The following PRCC variants were observed in gnomAD, a reference collection of about 807,000 sequenced individuals.
The protein encoded by PRCC is proline-rich protein PRCC.
PRCC carries 10 observed loss-of-function variants against 44.0 expected under a neutral mutation model. The ratio of observed to expected loss-of-function variants is 0.23; its 90% CI spans 0.14 to 0.39. The LOEUF is 0.39. Among genes scored for constraint, PRCC ranks in the 10% least tolerant of loss-of-function variants. The pLI, the probability that PRCC is intolerant of heterozygous loss-of-function variation, is 1.00. For synonymous variants in PRCC, 278 were observed against 259.5 expected (o/e 1.07, Z -0.69); for missense variants, 573 against 624.7 (o/e 0.92, Z 0.88).
At chr1:156,787,992 C>G (rs1571588674) in intron 3 of PRCC, among the ~76,000 whole-genome samples, 1 of 152,126 alleles carries the variant, frequency 6.6e-6, no homozygotes, top group Non-Finnish European at 1.5e-5. Context: ...CCACCATGCC[C>G]GCTAATTTAA....
At position 156,794,770 on chromosome 1, in the gene PRCC, T is replaced by C; in HGVS notation, c.1285T>C (p.Ser429Pro). The change falls in exon 5 of 7, where the codon TCA (serine) becomes CCA (proline). Residue 429 changes from serine to proline, a missense_variant. Ser to Pro is a moderately conservative substitution (Grantham distance 74). Transcript: ENST00000271526. ...LSGAQQWMTK[S>P]LTEEKTMKSF... ...TGGGGCCCAGCAATGGATGACTAAG[T>C]CATTGACAGAAGAGAAAACCATGAA... 6.2e-7 allele frequency: 1 copy of C among 1,614,146 alleles called. No homozygotes were observed. The highest frequency in any genetic ancestry group is 8.5e-7 in the Non-Finnish European group (1 of 1,180,022).
intron 1 of PRCC, among the ~76,000 whole-genome samples, chr1:156,771,613 A>G (rs1651635807): frequency 6.6e-6 from 1 of 151,920 alleles, no homozygotes; most frequent in South Asian, 2.1e-4. Context: ...TACGGGAGGC[A>G]GAGCAGATTG....
intron 1 of PRCC, among the ~76,000 whole-genome samples, chr1:156,774,605 GTCTCCGCAGTAGCT>G (rs1651753350): frequency 2.0e-5 from 3 of 151,950 alleles, no homozygotes; most frequent in African/African-American, 7.3e-5. Context: ...TGCTGCCTCA[GTCTCCGCAGTAGCT>G]GGGACTACAG....
chr1:156,797,296 AG>A lies in PRCC; in HGVS notation c.1346del (p.Gly449AlafsTer23). The A allele has an allele frequency of 6.2e-7, 1 of 1,614,190 alleles. No individual in the cohort carries two copies. The highest frequency in any genetic ancestry group is 8.5e-7 in the Non-Finnish European group (1 of 1,180,028). ...TGCAGAAGAAAGGTGAGCAGCCAAC[AG>A]GCCAGCAGCGGCGGAAACACCAGAT... is the stretch of plus-strand genomic sequence containing the variant. ...FSKKKGEQPT[G>X]QQRRKHQITY... On this transcript the variant is annotated frameshift_variant, in exon 6 of 7. Coordinates refer to ENST00000271526, the MANE Select transcript of PRCC (RefSeq NM_005973.5). LOFTEE classifies it high-confidence loss of function.
intron 1 of PRCC, among the ~76,000 whole-genome samples, chr1:156,779,203 G>A (rs1408967668): frequency 7.5e-6 from 1 of 134,076 alleles, no homozygotes; most frequent in Non-Finnish European, 1.5e-5. Context: ...CACCCAGGCT[G>A]GAGTGCAGTG....
At position 156,791,716 on chromosome 1, in the gene PRCC, A is replaced by G; in HGVS notation, c.1103A>G (p.Tyr368Cys). The change falls in exon 4 of 7, where the codon TAC becomes TGC. Residue 368 changes from tyrosine (Y) to cysteine (C), a missense_variant. Transcript: ENST00000271526. ...AYYQDYYSGG[Y>C]YPAQDPALVP... ...CTGCAGGATTATTACAGTGGTGGCT[A>G]CTATCCTGCACAGGACCCGGCCCTG... 1 of 1,613,408 alleles carries G rather than the reference A, an allele frequency of 6.2e-7. No homozygotes were observed. Among genetic ancestry groups the G allele is most frequent in the Non-Finnish European group, 8.5e-7 (1 of 1,179,838 alleles).
intron 5 of PRCC, chr1:156,797,067 C>A: frequency 1.8e-6 from 1 of 547,562 alleles, no homozygotes; most frequent in Non-Finnish European, 3.3e-6. Flanking sequence ...CTATTTCAGG[C>A]AAGTGTTCTG....
At chr1:156,776,332 T>G (rs1651826945) in intron 1 of PRCC, among the ~76,000 whole-genome samples, 1 of 152,204 alleles carries the variant, frequency 6.6e-6, no homozygotes, top group African/African-American at 2.4e-5. Context: ...ATTGCGCCAC[T>G]CTACTCCAGC....
intron 1 of PRCC, among the ~76,000 whole-genome samples, chr1:156,771,467 C>T (rs1292313401): frequency 4.6e-5 from 7 of 151,998 alleles, no homozygotes; most frequent in Admixed American, 2.6e-4. Context: ...ACTGGAGCAT[C>T]GAGGTATATT....
chr1:156,791,840 A>G (rs969332353), intron 4 of PRCC, 48 bp downstream of exon 4: 1 of 1,511,174 alleles, frequency 6.6e-7, no homozygotes, highest in Non-Finnish European at 9.1e-7. Context: ...TGGGCACCAC[A>G]TTTCAAATCT....
chr1:156,799,123 A>G (rs774905247), intron 6 of PRCC, among the ~76,000 whole-genome samples: 2 of 152,172 alleles, frequency 1.3e-5, no homozygotes, highest in Non-Finnish European at 2.9e-5. Flanking sequence ...CTTGACTACA[A>G]ATGGCACCAT....
intron 5 of PRCC, among the ~76,000 whole-genome samples, chr1:156,795,283 G>GTGT (rs1652622147): frequency 2.8e-5 from 1 of 36,154 alleles, no homozygotes; most frequent in African/African-American, 9.3e-5. Context: ...TCATTTTCTG[G>GTGT]TGTTTTTTTT....
intron 3 of PRCC, among the ~76,000 whole-genome samples, chr1:156,788,548 G>T (rs945277469): frequency 6.6e-6 from 1 of 151,718 alleles, no homozygotes; most frequent in African/African-American, 2.4e-5. Flanking sequence ...TGGTAGCTCT[G>T]TTTTAAGTTC....
At chr1:156,798,840 C>CAAAAA (rs890646541) in intron 6 of PRCC, among the ~76,000 whole-genome samples, 604 of 53,628 alleles carry the variant, frequency 0.011, 7 homozygotes, top group African/African-American at 0.033. Flanking sequence ...GACTCCATCT[C>CAAAAA]AAAAAAAAAA....
At chr1:156,775,054 C>T (rs1354587697) in intron 1 of PRCC, among the ~76,000 whole-genome samples, 1 of 151,924 alleles carries the variant, frequency 6.6e-6, no homozygotes, top group Non-Finnish European at 1.5e-5. Flanking sequence ...CGAGAGCATC[C>T]TGGCTAACAC....
At position 156,768,028 on chromosome 1, in the gene PRCC, G is replaced by T. The variant is rs1291632562; in HGVS notation, c.257G>T (p.Gly86Val). The T allele has an allele frequency of 6.4e-7, 1 of 1,571,482 alleles. No homozygotes were observed. The highest frequency in any genetic ancestry group is 1.3e-5 in the African/African-American group (1 of 74,102). ...RLQPPPPLPF[G>V]LGGFPPPPGV... Reference sequence around the variant, plus strand: ...CAGCCTCCTCCCCCCTTGCCCTTCGGCCTGGGAGGCTTCCCCCCACCTCCA... The same window carrying T: ...CAGCCTCCTCCCCCCTTGCCCTTCGTCCTGGGAGGCTTCCCCCCACCTCCA... The change falls in exon 1 of 7, where the codon GGC (glycine) becomes GTC (valine). Residue 86 changes from glycine (G) to valine (V), a missense_variant. By Grantham distance (109) the Gly-to-Val change is moderately radical (BLOSUM62 -3). Coordinates refer to ENST00000271526, the MANE Select transcript of PRCC (RefSeq NM_005973.5).
Position 156,767,944 on chromosome 1 carries a change from T to C in PRCC, c.173T>C (p.Leu58Pro). The C allele has an allele frequency of 6.3e-7, 1 of 1,587,476 alleles. No individual in the cohort carries two copies. Among genetic ancestry groups the C allele is most frequent in the African/African-American group, 1.3e-5 (1 of 74,584 alleles). The change falls in exon 1 of 7, where the codon CTG (leucine) becomes CCG (proline). Residue 58 changes from leucine (L) to proline (P), a missense_variant. Around this residue, in one of 4 missense-constraint regions of PRCC, gnomAD observed 245 missense variants for 188.5 expected, o/e 1.30. Coordinates refer to ENST00000271526, the MANE Select transcript of PRCC (RefSeq NM_005973.5). ...TTGCTGCCTCCGCCCCCTCAGATGC[T>C]GGCGCCAGCCTTTCCCCCGCCGCTG... Reference protein sequence around the residue: ...PALLPPPPQMLAPAFPPPLLL... With the variant: ...PALLPPPPQMPAPAFPPPLLL...
intron 5 of PRCC, 90 bp downstream of exon 5, chr1:156,794,898 G>A: frequency 6.6e-7 from 1 of 1,518,306 alleles, no homozygotes; most frequent in Non-Finnish European, 9.0e-7. Flanking sequence ...ACACCCCATT[G>A]TTATTGTCAC....
At chr1:156,795,021 TG>T (rs1232858007) in intron 5 of PRCC, among the ~76,000 whole-genome samples, 12 of 152,130 alleles carry the variant, frequency 7.9e-5, no homozygotes, top group Admixed American at 2.6e-4. Flanking sequence ...TGCAGCTGGA[TG>T]GGGGGTCTGG....
Sources: allele counts gnomAD v4.1 joint callset (sites outside exome capture counted in the v4.1 genomes callset), GRCh38; gene constraint gnomAD v4.1.1; regional missense constraint gnomAD v4.1.1; transcripts MANE v1.5; gene names NCBI Gene and HGNC (gene_info 2026-07-23, HGNC 2026-07-21).